The following TCERG1L variants were observed in gnomAD, a reference collection of about 807,000 sequenced individuals.
TCERG1L encodes transcription elongation regulator 1-like protein.
A neutral mutation model predicts 56.3 loss-of-function variants in TCERG1L; 37 were observed. That is an observed-to-expected ratio of 0.66 (90% confidence interval 0.51 to 0.87). TCERG1L has a LOEUF of 0.87. Ranked by LOEUF, TCERG1L falls within the 40% of genes least tolerant of loss-of-function variation. The probability of loss-of-function intolerance (pLI) is 0.00; values close to 1 mark genes in which losing one functional copy is unlikely to be tolerated. For missense variants in TCERG1L, 799 were observed against 774.2 expected, an observed-to-expected ratio of 1.03 and a Z score of -0.38; for synonymous variants, 324 against 326.3, an observed-to-expected ratio of 0.99 and a Z score of 0.08.
At chr10:131,166,284 C>A (rs1440418975) in intron 5 of TCERG1L, among the ~76,000 whole-genome samples, 1 of 152,218 alleles carries the variant, frequency 6.6e-6, no homozygotes, top group Non-Finnish European at 1.5e-5. Context: ...GCAAATTAAG[C>A]GTGATTTGTG....
intron 4 of TCERG1L, among the ~76,000 whole-genome samples, chr10:131,205,985 A>C (rs1189027344): frequency 3.3e-5 from 5 of 152,092 alleles, no homozygotes; most frequent in African/African-American, 1.2e-4. Flanking sequence ...CCACGGGCAG[A>C]TGGTTTGCCA....
At chr10:131,298,850 T>C (rs999355054) in intron 3 of TCERG1L, among the ~76,000 whole-genome samples, 3 of 152,376 alleles carry the variant, frequency 2.0e-5, no homozygotes, top group Admixed American at 1.3e-4. Flanking sequence ...TCGGGTCAAG[T>C]TGTTGGACAG....
intron 1 of TCERG1L, among the ~76,000 whole-genome samples, chr10:131,310,290 CAA>C (rs1170428709): frequency 6.6e-6 from 1 of 152,134 alleles, no homozygotes; most frequent in Non-Finnish European, 1.5e-5. Context: ...CAAAAACTAC[CAA>C]CGTTTCTTGA....
intron 3 of TCERG1L, among the ~76,000 whole-genome samples, chr10:131,264,784 C>T (rs1449110543): frequency 1.1e-4 from 17 of 152,228 alleles, no homozygotes; most frequent in Non-Finnish European, 2.9e-5. Flanking sequence ...GCCACCTCCA[C>T]GCTCTGACTC....
chr10:131,156,177 C>T (rs1845918894), intron 6 of TCERG1L: 1 of 152,146 alleles, frequency 6.6e-6, no homozygotes, highest in Non-Finnish European at 1.5e-5. Flanking sequence ...GAACATCATC[C>T]ACATGTATCA....
chr10:131,292,992 A>G (rs575278272), intron 3 of TCERG1L, among the ~76,000 whole-genome samples: 7 of 151,994 alleles, frequency 4.6e-5, no homozygotes, highest in Non-Finnish European at 5.9e-5. Context: ...CTGGGATTAC[A>G]GGTACACGCC....
intron 9 of TCERG1L, among the ~76,000 whole-genome samples, chr10:131,112,239 C>G (rs1481075632): frequency 7.0e-6 from 1 of 142,794 alleles, no homozygotes; most frequent in Non-Finnish European, 1.6e-5. Flanking sequence ...CCCCTGTCCC[C>G]GAGCTCTGTC....
At chr10:131,247,009 A>G (rs1348201089) in intron 4 of TCERG1L, among the ~76,000 whole-genome samples, 6 of 140,886 alleles carry the variant, frequency 4.3e-5, no homozygotes, top group South Asian at 2.3e-4. Flanking sequence ...CACCCACGAC[A>G]CCGGCGCTGC....
intron 7 of TCERG1L, among the ~76,000 whole-genome samples, chr10:131,139,785 T>C (rs1455642415): frequency 1.4e-5 from 2 of 138,280 alleles, no homozygotes; most frequent in African/African-American, 5.2e-5. Flanking sequence ...TGTGTCTGTG[T>C]GTGCTTGTGT....
At chr10:131,108,860 C>A (rs1420448472) in intron 9 of TCERG1L, among the ~76,000 whole-genome samples, 1 of 152,212 alleles carries the variant, frequency 6.6e-6, no homozygotes, top group Non-Finnish European at 1.5e-5. Context: ...ATGTCTTCAG[C>A]CAGCTAAGAG....
intron 4 of TCERG1L, among the ~76,000 whole-genome samples, chr10:131,244,327 CA>C (rs1312877568): frequency 1.3e-5 from 2 of 152,156 alleles, no homozygotes; most frequent in African/African-American, 2.4e-5. Flanking sequence ...GGTGCACCCA[CA>C]TGGAACAGGC....
intron 8 of TCERG1L, among the ~76,000 whole-genome samples, chr10:131,127,389 C>A (rs920330360): frequency 2.6e-5 from 4 of 152,226 alleles, no homozygotes; most frequent in African/African-American, 9.6e-5. Context: ...CATTCCCAGG[C>A]CAGGAGGCAG....
chr10:131,102,839 C>T (rs1198347729), intron 10 of TCERG1L, among the ~76,000 whole-genome samples: 2 of 152,084 alleles, frequency 1.3e-5, no homozygotes, highest in Non-Finnish European at 2.9e-5. Context: ...TCGCTGATGC[C>T]GTCAGACCAT....
intron 7 of TCERG1L, among the ~76,000 whole-genome samples, chr10:131,142,646 T>C (rs1564800216): frequency 6.6e-6 from 1 of 152,152 alleles, no homozygotes; most frequent in Non-Finnish European, 1.5e-5. Context: ...CCTGTGTCCA[T>C]CACAGGCTGC....
chr10:131,286,015 A>G (rs1846536476), intron 3 of TCERG1L, among the ~76,000 whole-genome samples: 1 of 152,230 alleles, frequency 6.6e-6, no homozygotes, highest in Non-Finnish European at 1.5e-5. Flanking sequence ...ACTGTACTGA[A>G]AGTTCTAGAT....
At chr10:131,256,992 G>GGAAGGAAGGAAGGAAGGGAAGAAA (rs1846173015) in intron 4 of TCERG1L, among the ~76,000 whole-genome samples, 2 of 59,170 alleles carry the variant, frequency 3.4e-5, no homozygotes, top group African/African-American at 1.1e-4. Flanking sequence ...AAGGAAGGAA[G>GGAAGGAAGGAAGGAAGGGAAGAAA]GAAAGAAAGA....
At chr10:131,195,080 C>T (rs1324452546) in intron 4 of TCERG1L, among the ~76,000 whole-genome samples, 1 of 152,082 alleles carries the variant, frequency 6.6e-6, no homozygotes, top group African/African-American at 2.4e-5. Context: ...CCAGGCTGTT[C>T]CAGGTCCCAG....
chr10:131,148,089 G>C (rs536784613), intron 6 of TCERG1L, among the ~76,000 whole-genome samples: 2 of 152,320 alleles, frequency 1.3e-5, no homozygotes, highest in South Asian at 4.1e-4. Context: ...CAAAATGATG[G>C]CTCCAAAGAC....
At chr10:131,249,395 C>T (rs1746666244) in intron 4 of TCERG1L, among the ~76,000 whole-genome samples, 1 of 151,752 alleles carries the variant, frequency 6.6e-6, no homozygotes, top group South Asian at 2.1e-4. Context: ...GGGGCTTCCA[C>T]AGCCCTGACA....
Sources: gnomAD v4.1 joint callset for allele counts (sites outside exome capture counted in the v4.1 genomes callset) on GRCh38, gnomAD v4.1.1 for gene constraint, MANE v1.5 for transcripts, NCBI Gene and HGNC (gene_info 2026-07-23, HGNC 2026-07-21) for gene names.